The following APOO variants were observed in gnomAD, a reference collection of about 807,000 sequenced individuals.
APOO encodes MICOS complex subunit MIC26.
Under a neutral mutation model 23.1 loss-of-function variants are expected in APOO, and 11 were observed. That is an observed-to-expected ratio of 0.48 (90% CI 0.30 to 0.79). The LOEUF (loss-of-function observed/expected upper bound fraction) is 0.79, where lower values mean the gene tolerates loss of function less well. APOO is among the 30% of genes least tolerant of loss of function. The pLI, the probability that APOO is intolerant of heterozygous loss-of-function variation, is 0.07. For missense variants in APOO, 160 were observed against 142.7 expected (o/e 1.12, Z -0.62); for synonymous variants, 59 against 54.8 (o/e 1.08, Z -0.34).
At chrX:23,864,686 AC>A (rs1925259211) in intron 5 of APOO, among the ~76,000 whole-genome samples, 2 of 112,386 alleles carry the variant, frequency 1.8e-5, no homozygotes, top group Non-Finnish European at 3.8e-5. Context: ...GAAATCCCCA[AC>A]GATGGAACTG....
At chrX:23,875,476 T>G (rs1008228777) in intron 3 of APOO, among the ~76,000 whole-genome samples, 2 of 103,224 alleles carry the variant, frequency 1.9e-5, no homozygotes, top group African/African-American at 3.5e-5. Flanking sequence ...TGGAGTGCAG[T>G]GGCGCGACCT....
At chrX:23,859,987 C>A (rs775679004) in intron 5 of APOO, among the ~76,000 whole-genome samples, 1 of 111,133 alleles carries the variant, frequency 9.0e-6, no homozygotes, top group African/African-American at 3.3e-5. Flanking sequence ...CTTTCTGCAA[C>A]CCCGTTAAAA....
chrX:23,860,445 G>A (rs1924964319), intron 5 of APOO, among the ~76,000 whole-genome samples: 1 of 109,897 alleles, frequency 9.1e-6, no homozygotes, highest in Non-Finnish European at 1.9e-5. Context: ...TGGGGAGGTC[G>A]AGGCATAAGG....
chrX:23,857,078 G>A (rs1470806940), intron 6 of APOO, among the ~76,000 whole-genome samples: 2 of 110,378 alleles, frequency 1.8e-5, no homozygotes, highest in Admixed American at 9.8e-5. Context: ...AGAGACCGAG[G>A]CCTACTTGAG....
At chrX:23,879,179 T>A in intron 2 of APOO, 145 bp from the exon 3 acceptor site, 1 of 735,720 alleles carries the variant, frequency 1.4e-6, no homozygotes, top group Non-Finnish European at 1.9e-6. Context: ...TTCACGCTTG[T>A]AATCCCAGCA....
Position 23,880,924 on chromosome X carries a change from C to T in APOO, c.38G>A (p.Ser13Asn), listed in dbSNP as rs867988889. Residue 13 changes from serine to asparagine, a missense_variant, in exon 2 of 9, where the codon AGC becomes AAC. Ser to Asn is a conservative substitution (Grantham distance 46). Coordinates refer to ENST00000379226, the MANE Select transcript of APOO (RefSeq NM_024122.5). ...GACTTTGAAGGTGAGCAAGCTCAGGCTGGCTGGCCCCACGGACCTCTGAAT... is the reference window on the plus strand; with the variant it reads ...GACTTTGAAGGTGAGCAAGCTCAGGTTGGCTGGCCCCACGGACCTCTGAAT... ...KVIQRSVGPA[S>N]LSLLTFKVYA... 8 of 1,188,105 alleles carry T rather than the reference C, an allele frequency of 6.7e-6. No homozygotes were observed. The Middle Eastern group carries it at 1.9e-3, about 279-fold the overall frequency.
intron 2 of APOO, among the ~76,000 whole-genome samples, chrX:23,879,757 T>A (rs1926026004): frequency 8.9e-6 from 1 of 112,210 alleles, no homozygotes; most frequent in Non-Finnish European, 1.9e-5. Flanking sequence ...TTCAAATGAT[T>A]GGTCTGATGT....
At chrX:23,868,028 C>G (rs1925423646) in intron 5 of APOO, among the ~76,000 whole-genome samples, 1 of 112,304 alleles carries the variant, frequency 8.9e-6, no homozygotes, top group African/African-American at 3.2e-5. Context: ...TAGTTTCCAA[C>G]TAGCAAAACT....
At chrX:23,877,732 C>T (rs1925920399) in intron 3 of APOO, among the ~76,000 whole-genome samples, 1 of 106,544 alleles carries the variant, frequency 9.4e-6, no homozygotes, top group Non-Finnish European at 1.9e-5. Context: ...TGAGAGCACG[C>T]TACTGCACTC....
intron 3 of APOO, among the ~76,000 whole-genome samples, chrX:23,876,731 G>A (rs762742042): frequency 4.5e-5 from 5 of 111,436 alleles, no homozygotes; most frequent in Admixed American, 2.9e-4. Flanking sequence ...CCCGGGAGGC[G>A]GAGGTTGCAG....
chrX:23,852,080 T>C (rs995161326), intron 7 of APOO, among the ~76,000 whole-genome samples: 4 of 110,520 alleles, frequency 3.6e-5, no homozygotes, highest in Admixed American at 9.7e-5. Context: ...TGTGCCACCA[T>C]GCCTGGCTAA....
intron 1 of APOO, among the ~76,000 whole-genome samples, chrX:23,893,114 T>C (rs142409991): frequency 0.01 from 1,146 of 109,901 alleles, 6 homozygotes; most frequent in Non-Finnish European, 0.015. Flanking sequence ...GTGTTGTAAA[T>C]TGAATGAAAA....
At chrX:23,870,169 C>T (rs909664145) in intron 4 of APOO, among the ~76,000 whole-genome samples, 3 of 110,643 alleles carry the variant, frequency 2.7e-5, no homozygotes, top group Admixed American at 9.7e-5. Context: ...CTGAACATGC[C>T]TTCTGACTTC....
At chrX:23,867,569 G>C (rs976165867) in intron 5 of APOO, among the ~76,000 whole-genome samples, 13 of 111,025 alleles carry the variant, frequency 1.2e-4, no homozygotes, top group African/African-American at 4.3e-4. Flanking sequence ...TTGAGACGGA[G>C]TCTCGCACTG....
intron 1 of APOO, among the ~76,000 whole-genome samples, chrX:23,887,228 CCTT>C (rs1926405037): frequency 3.1e-5 from 2 of 65,522 alleles, no homozygotes; most frequent in Admixed American, 2.2e-4. Flanking sequence ...TTTCTTTTTC[CCTT>C]TTTTTTTTTT....
At chrX:23,907,557 G>A (rs2147059997) in intron 1 of APOO, 137 bp downstream of exon 1, 1 of 659,069 alleles carries the variant, frequency 1.5e-6, no homozygotes, top group Non-Finnish European at 2.1e-6. Context: ...GCGGGGCCGG[G>A]ACGCAGCCGG....
At chrX:23,871,197 C>CA (rs34502498) in intron 4 of APOO, among the ~76,000 whole-genome samples, 15,742 of 83,510 alleles carry the variant, frequency 0.19, 1,543 homozygotes, top group East Asian at 0.54. Flanking sequence ...CTAAAAATAC[C>CA]AAAAAAAAAA....
At chrX:23,873,772 T>C (rs912840234) in intron 4 of APOO, among the ~76,000 whole-genome samples, 4 of 111,550 alleles carry the variant, frequency 3.6e-5, no homozygotes, top group Admixed American at 9.6e-5. Flanking sequence ...AACAAACCCT[T>C]GTAAAAACAA....
chrX:23,889,444 G>A (rs1601934641), intron 1 of APOO, among the ~76,000 whole-genome samples: 1 of 110,746 alleles, frequency 9.0e-6, no homozygotes, highest in East Asian at 2.8e-4. Flanking sequence ...ATGAATGGTG[G>A]GGCTCAAATA....
Sources: allele counts gnomAD v4.1 joint callset (sites outside exome capture counted in the v4.1 genomes callset), GRCh38; gene constraint gnomAD v4.1.1; transcripts MANE v1.5; gene names NCBI Gene and HGNC (gene_info 2026-07-23, HGNC 2026-07-21).